Variants in BBS7 observed in about 807,000 individuals in gnomAD.
The protein encoded by BBS7 is BBSome complex member BBS7.
In BBS7, 50 loss-of-function variants were observed where a neutral mutation model predicts 90.3. The ratio of observed to expected loss-of-function variants is 0.55; its 90% CI spans 0.44 to 0.70. BBS7 has a LOEUF of 0.70. Among genes scored for constraint, BBS7 ranks in the 30% least tolerant of loss-of-function variants. The pLI is 0.00. For synonymous variants in BBS7, 235 were observed against 287.4 expected (o/e 0.82, Z 1.85); for missense variants, 729 against 838.9 (o/e 0.87, Z 1.62).
intron 2 of BBS7, among the ~76,000 whole-genome samples, chr4:121,866,493 G>A (rs1262620664): frequency 1.3e-5 from 2 of 152,070 alleles, no homozygotes; most frequent in Admixed American, 1.3e-4. Context: ...TTGAACTCCT[G>A]ACCTCAAGTG....
intron 5 of BBS7, among the ~76,000 whole-genome samples, chr4:121,855,866 ATATG>A (rs1560661267): frequency 2.1e-5 from 3 of 144,306 alleles, no homozygotes; most frequent in Non-Finnish European, 4.4e-5. Flanking sequence ...GTATGTGTAT[ATATG>A]TATATGTACA....
At chr4:121,844,149 G>A (rs1725883234) in intron 11 of BBS7, 148 bp from the exon 12 acceptor site, 2 of 552,948 alleles carry the variant, frequency 3.6e-6, no homozygotes, top group Non-Finnish European at 6.4e-6. Context: ...ATACTTGATA[G>A]TATATACTTC....
intron 2 of BBS7, among the ~76,000 whole-genome samples, chr4:121,865,147 G>A (rs1179214182): frequency 2.0e-5 from 3 of 151,722 alleles, no homozygotes; most frequent in Non-Finnish European, 4.4e-5. Context: ...AACATGTGGT[G>A]TTCAACTTTC....
At chr4:121,856,644 A>G (rs866945399) in intron 5 of BBS7, among the ~76,000 whole-genome samples, 2 of 152,222 alleles carry the variant, frequency 1.3e-5, no homozygotes, top group South Asian at 4.2e-4. Flanking sequence ...CCCGGGAAGC[A>G]GAGGTCGCAG....
intron 7 of BBS7, among the ~76,000 whole-genome samples, chr4:121,854,406 A>G (rs1430688062): frequency 1.3e-5 from 2 of 152,154 alleles, no homozygotes; most frequent in Non-Finnish European, 2.9e-5. Flanking sequence ...TTAATTCTGT[A>G]CCTCAAACAA....
At chr4:121,847,761 G>A (rs1385315703) in intron 9 of BBS7, among the ~76,000 whole-genome samples, 1 of 151,932 alleles carries the variant, frequency 6.6e-6, no homozygotes, top group Non-Finnish European at 1.5e-5. Context: ...ATAATGAAGG[G>A]AATCTTTTAC....
intron 9 of BBS7, among the ~76,000 whole-genome samples, chr4:121,848,467 T>C (rs1235741587): frequency 4.6e-5 from 7 of 152,244 alleles, no homozygotes; most frequent in African/African-American, 9.6e-5. Context: ...TCAGATCAAC[T>C]GTTGTAGTAT....
At chr4:121,844,543 T>TG (rs398107932) in intron 11 of BBS7, among the ~76,000 whole-genome samples, 4 of 151,094 alleles carry the variant, frequency 2.6e-5, no homozygotes, top group Non-Finnish European at 4.4e-5. Flanking sequence ...GTTTTTTTTT[T>TG]AATAATCTGA....
At chr4:121,867,323 A>C (rs1032804731) in intron 2 of BBS7, among the ~76,000 whole-genome samples, 5 of 152,000 alleles carry the variant, frequency 3.3e-5, no homozygotes, top group Non-Finnish European at 5.9e-5. Context: ...TTTTTGGTAG[A>C]GTCTTTAGGT....
At position 121,854,630 on chromosome 4, in the gene BBS7, T is replaced by G. The variant is rs1285325059; in HGVS notation, c.718+74A>C. On this transcript the variant is annotated intron_variant, in intron 7 of 18. Transcript: ENST00000264499. ...TGCTATGTAGTATAAATAGATAAAA[T>G]AGAATAAATTATATAATTTAAGATA... 3 of 1,406,076 alleles carry G rather than the reference T, an allele frequency of 2.1e-6. No individual in the cohort carries two copies. The African/African-American group carries it at 4.4e-5, about 21-fold the overall frequency. The allele number at this position is 1,406,076 out of a possible 1,614,324, so 87.1% of individuals were successfully genotyped here. A position where few individuals can be genotyped will look rare whatever the true frequency, so the allele number is the denominator to read the frequency against.
chr4:121,849,202 G>A (rs1726177873), intron 8 of BBS7, among the ~76,000 whole-genome samples: 1 of 152,094 alleles, frequency 6.6e-6, no homozygotes, highest in South Asian at 2.1e-4. Flanking sequence ...AGCAAAAATA[G>A]TTTATTTATT....
chr4:121,863,122 C>T (rs1429330924), intron 3 of BBS7, 95 bp downstream of exon 3: 5 of 1,189,368 alleles, frequency 4.2e-6, no homozygotes, highest in Admixed American at 3.5e-5. Flanking sequence ...TTTTCCATTA[C>T]CTGTATTTTA....
chr4:121,833,129 T>A (rs530209205), intron 15 of BBS7, 102 bp downstream of exon 15: 8 of 1,145,444 alleles, frequency 7.0e-6, no homozygotes, highest in Non-Finnish European at 1.0e-5. Context: ...CAGTATAGAT[T>A]TTCAATCAGA....
chr4:121,859,248 G>A (rs1726849653), intron 4 of BBS7, 70 bp from the exon 5 acceptor site: 1 of 1,314,304 alleles, frequency 7.6e-7, no homozygotes, highest in Admixed American at 1.7e-5. Context: ...GATAAAAACA[G>A]AAAAATGTAT....
At chr4:121,855,250 G>C (rs1212768443) in intron 6 of BBS7, among the ~76,000 whole-genome samples, 1 of 152,128 alleles carries the variant, frequency 6.6e-6, no homozygotes. Flanking sequence ...CGAGGCCGTG[G>C]TGAGCTGAGA....
Position 121,847,503 on chromosome 4 carries a change from C to T in BBS7, c.938G>A (p.Trp313Ter). 6.2e-7 allele frequency: 1 copy of T among 1,607,720 alleles called. No homozygotes were observed. Among genetic ancestry groups the T allele is most frequent in the Non-Finnish European group, 8.5e-7 (1 of 1,174,454 alleles). The change falls in exon 10 of 19, where the codon TGG becomes TAG. Residue 313 changes from tryptophan (W) to a stop codon, truncating the protein, a stop_gained. Transcript: ENST00000264499. LOFTEE classifies it high-confidence loss of function. ...GGGCTCTGTTGTCAGACCTGTAACC[C>T]AGCCTGTAGAGATGAATTACAATCA... ...DEIVVSTYSG[W>*]VTGLTTEPIH...
chr4:121,869,983 A>G (rs1727496372), intron 1 of BBS7, among the ~76,000 whole-genome samples: 2 of 152,198 alleles, frequency 1.3e-5, no homozygotes, highest in African/African-American at 4.8e-5. Flanking sequence ...AGGGAGGAGG[A>G]GAAGGGCCCT....
intron 13 of BBS7, among the ~76,000 whole-genome samples, chr4:121,837,925 T>C (rs898841987): frequency 8.6e-5 from 13 of 152,018 alleles, no homozygotes; most frequent in Admixed American, 7.2e-4. Context: ...TCCAACATGG[T>C]GAAACCCTGT....
intron 2 of BBS7, among the ~76,000 whole-genome samples, chr4:121,864,000 T>C (rs575684018): frequency 6.6e-6 from 1 of 152,328 alleles, no homozygotes; most frequent in Non-Finnish European, 1.5e-5. Context: ...ATTTACAGAC[T>C]GAGCTCCGCC....
Sources: gnomAD v4.1 joint callset for allele counts (sites outside exome capture counted in the v4.1 genomes callset) on GRCh38, gnomAD v4.1.1 for gene constraint, MANE v1.5 for transcripts, NCBI Gene and HGNC (gene_info 2026-07-23, HGNC 2026-07-21) for gene names.